DERA: variants seen among roughly 807,000 people sequenced by gnomAD.
DERA encodes the protein deoxyribose-phosphate aldolase, also known as 2-deoxy-D-ribose 5-phosphate aldolase.
Under a neutral mutation model 41.1 loss-of-function variants are expected in DERA, and 15 were observed. The ratio of observed to expected loss-of-function variants is 0.37; its 90% CI spans 0.24 to 0.56. The LOEUF (loss-of-function observed/expected upper bound fraction) is 0.56. DERA is among the 20% of genes least tolerant of loss of function. The pLI is 0.81. For synonymous variants in DERA, 139 were observed against 137.4 expected, an observed-to-expected ratio of 1.01 and a Z score of -0.08; for missense variants, 396 against 403.4, an observed-to-expected ratio of 0.98 and a Z score of 0.16.
At position 16,004,854 on chromosome 12, in the gene DERA, C is replaced by T. The variant is rs1948899204; in HGVS notation, c.637+22418C>T. On this transcript the variant is annotated intron_variant, in intron 6 of 8. Transcript: ENST00000428559. This position sits in a 1 kb window ranked among gnomAD's most constrained non-coding sequence, Gnocchi z 4.2. ...ACCATTGATTTATAAAGATCGTCTG[C>T]ATATGTGTGTTTCCTAGTTCAAGGA... Among the ~76,000 whole-genome samples the T allele has an allele frequency of 6.6e-6, 1 of 152,116 alleles. No individual in the cohort carries two copies. Among genetic ancestry groups the T allele is most frequent in the African/African-American group, 2.4e-5 (1 of 41,428 alleles).
In DERA at chr12:16,003,433, T is replaced by A. The variant is rs1185776975; in HGVS notation, c.637+20997T>A. On this transcript the variant is annotated intron_variant, in intron 6 of 8. Transcript: ENST00000428559. The surrounding 1 kb of genome is among the most constrained non-coding windows in gnomAD (Gnocchi z 4.8). ...GGGCTCCAGTTCAATCCACAACAAA[T>A]GAGTTCAAAATGAGGAAAGCAAAAC... Among the ~76,000 whole-genome samples, 1 of 152,104 alleles carries A rather than the reference T, an allele frequency of 6.6e-6. No individual in the cohort carries two copies. Among genetic ancestry groups the A allele is most frequent in the Non-Finnish European group, 1.5e-5 (1 of 68,002 alleles).
At chr12:15,926,097 A>G (rs1948280932) in intron 1 of DERA, among the ~76,000 whole-genome samples, 1 of 151,422 alleles carries the variant, frequency 6.6e-6, no homozygotes, top group African/African-American at 2.4e-5. Context: ...TGCTGGGATT[A>G]TAGGCGTGAG....
chr12:15,911,525 TTC>T lies in DERA; in HGVS notation c.31+112_31+113del. ...CCTGGCTGTGGGTCCCCGAGGGGTT[TTC>T]GCTGGGGCGGGAAGCAGTGGCGTCT... On this transcript the variant is annotated intron_variant, in intron 1 of 8. Coordinates refer to ENST00000428559, the MANE Select transcript of DERA (RefSeq NM_015954.4). The surrounding 1 kb of genome is among the most constrained non-coding windows in gnomAD (Gnocchi z 4.5). The T allele has an allele frequency of 8.9e-7, 1 of 1,128,600 alleles. No individual in the cohort carries two copies. The highest frequency in any genetic ancestry group is 1.2e-6 in the Non-Finnish European group (1 of 818,980). 69.9% of individuals were successfully genotyped at this position (1,128,600 alleles called of 1,614,324 possible). A position where few individuals can be genotyped will look rare whatever the true frequency, so the allele number is the denominator to read the frequency against.
intron 1 of DERA, among the ~76,000 whole-genome samples, chr12:15,948,221 C>T (rs962963316): frequency 4.1e-4 from 63 of 152,132 alleles, no homozygotes; most frequent in Non-Finnish European, 7.5e-4. Context: ...GTGGCGTTCT[C>T]TGTATTTCCT....
intron 5 of DERA, among the ~76,000 whole-genome samples, chr12:15,979,918 C>T (rs1444370574): frequency 6.6e-6 from 1 of 152,242 alleles, no homozygotes; most frequent in East Asian, 1.9e-4. Context: ...CAAATATGGT[C>T]GTGATCAGTG....
rs1466949554 is a variant in DERA, at chr12:16,020,532, T to C, written c.638-12010T>C. Among the ~76,000 whole-genome samples the C allele has an allele frequency of 1.3e-5, 2 of 152,174 alleles. No homozygotes were observed. Among genetic ancestry groups the C allele is most frequent in the East Asian group, 3.8e-4 (2 of 5,196 alleles). On this transcript the variant is annotated intron_variant, in intron 6 of 8. Transcript: ENST00000428559. The surrounding 1 kb of genome is among the most constrained non-coding windows in gnomAD (Gnocchi z 5.5). ...AGAATGGACTAACACAGAAAACTGA[T>C]ACCAGGAGTGGTGTGTTGCTATAAA...
Position 15,913,542 on chromosome 12 carries a change from C to G in DERA, c.31+2128C>G, listed in dbSNP as rs1236515939. ...CATTTTTGCTTCCCTTTTCTTATTA[C>G]AAAAGGAATTCATGGTTATTGTAAA... On this transcript the variant is annotated intron_variant, in intron 1 of 8. Transcript: ENST00000428559. This position sits in a 1 kb window ranked among gnomAD's most constrained non-coding sequence, Gnocchi z 4.5. 3.3e-5 allele frequency among the ~76,000 whole-genome samples: 5 copies of G among 152,086 alleles called. No homozygotes were observed. The highest frequency in any genetic ancestry group is 1.2e-4 in the African/African-American group (5 of 41,424).
intron 7 of DERA, among the ~76,000 whole-genome samples, chr12:16,034,882 A>T (rs1949116735): frequency 6.6e-6 from 1 of 152,192 alleles, no homozygotes; most frequent in Admixed American, 6.5e-5. Context: ...TATGATTAAC[A>T]TGTATGCTAA....
chr12:15,997,926 A>G (rs1309628474), intron 6 of DERA, among the ~76,000 whole-genome samples: 1 of 152,248 alleles, frequency 6.6e-6, no homozygotes, highest in African/African-American at 2.4e-5. Context: ...AAATGCTTAG[A>G]AAACTATAAA....
At position 16,012,311 on chromosome 12, in the gene DERA, G is replaced by A. The variant is rs113248031; in HGVS notation, c.638-20231G>A. ...GCCAGTTCCAGAACAGGATTAAGGG[G>A]CCAGCCAGCTGGGCAGTTTCCCAGT... On this transcript the variant is annotated intron_variant, in intron 6 of 8. Transcript: ENST00000428559. This position sits in a 1 kb window ranked among gnomAD's most constrained non-coding sequence, Gnocchi z 4.1. Among the ~76,000 whole-genome samples the A allele has an allele frequency of 8.3e-4, 127 of 152,270 alleles. 2 individuals carry two copies. The highest frequency in any genetic ancestry group is 2.9e-3 in the African/African-American group (122 of 41,544).
In DERA at chr12:15,937,111, C is replaced by T. The variant is rs577060395; in HGVS notation, c.32-19825C>T. ...CTGGGACCACTGGCATGCACCAGCA[C>T]GACCTGGCTAATTTTTAATTTTTTT... On this transcript the variant is annotated intron_variant, in intron 1 of 8. Transcript: ENST00000428559. 4.6e-5 allele frequency among the ~76,000 whole-genome samples: 7 copies of T among 152,204 alleles called. 1 individual carries two copies. Among genetic ancestry groups the T allele is most frequent in the Admixed American group, 3.3e-4 (5 of 15,290 alleles).
chr12:15,911,372 G>T lies in DERA; in HGVS notation c.-12G>T, dbSNP rs777874119. Reference sequence around the variant, plus strand: ...GCGCCTACCAGCCGGCAGCTCCGGAGCTGCCCGCGCCATGTCCGCGCACAA... The same window carrying T: ...GCGCCTACCAGCCGGCAGCTCCGGATCTGCCCGCGCCATGTCCGCGCACAA... On this transcript the variant is annotated 5_prime_UTR_variant, in exon 1 of 9. Coordinates refer to ENST00000428559, the MANE Select transcript of DERA (RefSeq NM_015954.4). The surrounding 1 kb of genome is among the most constrained non-coding windows in gnomAD (Gnocchi z 4.5). The T allele has an allele frequency of 7.1e-7, 1 of 1,411,644 alleles. No homozygotes were observed. Among genetic ancestry groups the T allele is most frequent in the Admixed American group, 3.4e-5 (1 of 29,508 alleles). The allele number at this position is 1,411,644 out of a possible 1,614,324, so 87.4% of individuals were successfully genotyped here.
rs1380610611 is a variant in DERA at position 16,012,040 on chromosome 12, T to G, written c.638-20502T>G. On this transcript the variant is annotated intron_variant, in intron 6 of 8. Transcript: ENST00000428559. The surrounding 1 kb of genome is among the most constrained non-coding windows in gnomAD (Gnocchi z 4.1). The stretch of plus-strand genomic sequence containing the variant: ...CATAAAACATGCATAACTAAGTCAG[T>G]GTTTCCTCAAAAGGGGCAGAGTTTG... Among the ~76,000 whole-genome samples, 1 of 152,220 alleles carries G rather than the reference T, an allele frequency of 6.6e-6. No homozygotes were observed. Among genetic ancestry groups the G allele is most frequent in the African/African-American group, 2.4e-5 (1 of 41,458 alleles).
In DERA at chr12:16,014,020, A is replaced by C. The variant is rs975280606; in HGVS notation, c.638-18522A>C. ...TGGCAGAATAAATTTCTAAGCAGAAAAGTGTTCAAGAGGTGACTGGGTGTT... is the reference window on the plus strand; with the variant it reads ...TGGCAGAATAAATTTCTAAGCAGAACAGTGTTCAAGAGGTGACTGGGTGTT... On this transcript the variant is annotated intron_variant, in intron 6 of 8. Coordinates refer to ENST00000428559, the MANE Select transcript of DERA (RefSeq NM_015954.4). This position sits in a 1 kb window ranked among gnomAD's most constrained non-coding sequence, Gnocchi z 5.4. Among the ~76,000 whole-genome samples the C allele has an allele frequency of 6.6e-6, 1 of 152,236 alleles. No individual in the cohort carries two copies. Among genetic ancestry groups the C allele is most frequent in the African/African-American group, 2.4e-5 (1 of 41,460 alleles).
intron 1 of DERA, among the ~76,000 whole-genome samples, chr12:15,930,349 C>G (rs187009764): frequency 2.0e-5 from 3 of 152,240 alleles, no homozygotes; most frequent in Admixed American, 1.3e-4. Flanking sequence ...GATTTTCTTT[C>G]ATATGGAAAT....
At position 15,938,249 on chromosome 12, in the gene DERA, C is replaced by T. The variant is rs922446891; in HGVS notation, c.32-18687C>T. ...GGTGACTTAGCATGCAAATTAGACA[C>T]TTTTGACAGCAAAAGGGAGCACTAA... On this transcript the variant is annotated intron_variant, in intron 1 of 8. Coordinates refer to ENST00000428559, the MANE Select transcript of DERA (RefSeq NM_015954.4). This position sits in a 1 kb window ranked among gnomAD's most constrained non-coding sequence, Gnocchi z 4.1. 2.0e-5 allele frequency among the ~76,000 whole-genome samples: 3 copies of T among 152,206 alleles called. No individual in the cohort carries two copies. Among genetic ancestry groups the T allele is most frequent in the South Asian group, 2.1e-4 (1 of 4,798 alleles).
At chr12:15,968,734 A>C (rs1297378988) in intron 5 of DERA, among the ~76,000 whole-genome samples, 4 of 152,220 alleles carry the variant, frequency 2.6e-5, no homozygotes, top group African/African-American at 9.6e-5. Flanking sequence ...TAGATAATGT[A>C]TGTAAAATAT....
intron 5 of DERA, among the ~76,000 whole-genome samples, chr12:15,969,760 A>G (rs1196756568): frequency 6.6e-6 from 1 of 152,234 alleles, no homozygotes; most frequent in African/African-American, 2.4e-5. Flanking sequence ...CACAAGAAGG[A>G]TGGTAGAAAG....
chr12:15,960,758 G>A (rs1212278962), intron 4 of DERA, among the ~76,000 whole-genome samples: 3 of 151,934 alleles, frequency 2.0e-5, no homozygotes, highest in Non-Finnish European at 4.4e-5. Context: ...AAGCATCGTC[G>A]TGGAGATAAT....
Sources: gnomAD v4.1 joint callset for allele counts (sites outside exome capture counted in the v4.1 genomes callset) on GRCh38, gnomAD v4.1.1 for gene constraint, Gnocchi (gnomAD v3.1) non-coding constraint, MANE v1.5 for transcripts, NCBI Gene and HGNC (gene_info 2026-07-23, HGNC 2026-07-21) for gene names.